EPSTI1: variants seen among roughly 807,000 people sequenced by gnomAD.
EPSTI1 encodes epithelial stromal interaction 1.
In EPSTI1, 66 loss-of-function variants were observed where a neutral mutation model predicts 49.9. The observed-to-expected ratio is 1.32, with a 90% CI of 1.08 to 1.62. EPSTI1 has a LOEUF of 1.62. EPSTI1 is among the 40% of genes most tolerant of loss of function. The probability of loss-of-function intolerance (pLI) is 0.00; values close to 1 mark genes in which losing one functional copy is unlikely to be tolerated. For missense variants in EPSTI1, 394 were observed against 365.5 expected (o/e 1.08, Z -0.64); for synonymous variants, 137 against 130.7 (o/e 1.05, Z -0.33).
intron 7 of EPSTI1, among the ~76,000 whole-genome samples, chr13:42,921,315 T>C (rs187209477): frequency 3.2e-4 from 48 of 152,302 alleles, no homozygotes; most frequent in African/African-American, 1.1e-3. Flanking sequence ...GGAACCAGTA[T>C]TCAAAGTTAG....
intron 6 of EPSTI1, among the ~76,000 whole-genome samples, chr13:42,928,189 G>A (rs1054580011): frequency 2.0e-5 from 3 of 152,088 alleles, no homozygotes; most frequent in Admixed American, 6.6e-5. Context: ...CAGAGTATGC[G>A]GATTACTGCC....
intron 1 of EPSTI1, among the ~76,000 whole-genome samples, chr13:42,978,436 G>A (rs916200222): frequency 7.2e-5 from 11 of 152,224 alleles, no homozygotes; most frequent in East Asian, 5.8e-4. Context: ...TTTCTGATTC[G>A]CCTTTCCAAA....
At chr13:42,912,854 C>T (rs1048731983) in intron 8 of EPSTI1, among the ~76,000 whole-genome samples, 9 of 150,544 alleles carry the variant, frequency 6.0e-5, no homozygotes, top group African/African-American at 2.0e-4. Flanking sequence ...ATAAGAAGTA[C>T]AAGAAAACAA....
intron 6 of EPSTI1, among the ~76,000 whole-genome samples, chr13:42,945,216 C>T (rs563661156): frequency 3.3e-4 from 51 of 152,312 alleles, no homozygotes; most frequent in African/African-American, 9.1e-4. Flanking sequence ...ACATCTTACA[C>T]GGCGGCAGGC....
chr13:42,943,444 ATCT>A (rs1206227211), intron 6 of EPSTI1, among the ~76,000 whole-genome samples: 1 of 152,210 alleles, frequency 6.6e-6, no homozygotes, highest in African/African-American at 2.4e-5. Flanking sequence ...GTATCAGTTA[ATCT>A]TCTTCTGAGT....
At chr13:42,898,632 A>C (rs541337717) in intron 9 of EPSTI1, among the ~76,000 whole-genome samples, 1 of 35,436 alleles carries the variant, frequency 2.8e-5, no homozygotes, top group Non-Finnish European at 7.2e-5. Flanking sequence ...TTAGGTATTC[A>C]GTAGTATGGA....
At chr13:42,971,826 G>A (rs2039774900) in intron 1 of EPSTI1, among the ~76,000 whole-genome samples, 10 of 152,192 alleles carry the variant, frequency 6.6e-5, no homozygotes, top group Admixed American at 6.5e-4. Context: ...AATGTGAGGT[G>A]TGCAACAGCC....
intron 3 of EPSTI1, among the ~76,000 whole-genome samples, chr13:42,964,546 T>C (rs1471313611): frequency 6.6e-6 from 1 of 152,196 alleles, no homozygotes; most frequent in Non-Finnish European, 1.5e-5. Context: ...AAGGTGCTTC[T>C]ATTGCTTTTC....
chr13:42,935,283 C>A (rs907221317), intron 6 of EPSTI1, among the ~76,000 whole-genome samples: 2 of 152,192 alleles, frequency 1.3e-5, no homozygotes, highest in African/African-American at 4.8e-5. Context: ...TTAATTCTTG[C>A]GCAGCTTAGA....
At chr13:42,929,810 T>TA (rs150182583) in intron 6 of EPSTI1, among the ~76,000 whole-genome samples, 6,059 of 152,240 alleles carry the variant, frequency 0.04, 404 homozygotes, top group African/African-American at 0.13. Flanking sequence ...GTTTCTTAAA[T>TA]AAAAAGGGGA....
chr13:42,970,622 C>T lies in EPSTI1; in HGVS notation c.237G>A (p.Glu79=). 1 of 1,609,682 alleles carries T rather than the reference C, an allele frequency of 6.2e-7. No homozygotes were observed. The highest frequency in any genetic ancestry group is 1.1e-5 in the South Asian group (1 of 89,908). Residue 79 remains glutamate, a synonymous_variant, in exon 2 of 11, where the codon GAG becomes GAA. Coordinates refer to ENST00000313624, the MANE Select transcript of EPSTI1 (RefSeq NM_033255.5). The part of the protein sequence containing the change: ...LIAPNINRRN[E]IQRIAEQELA... The stretch of plus-strand genomic sequence containing the variant: ...AATGACTATACATACTTCTTTGTAT[C>T]TCATTTCTCCGGTTTATATTTGGTG...
At chr13:42,973,221 TCTTC>T (rs2039806928) in intron 1 of EPSTI1, among the ~76,000 whole-genome samples, 2 of 152,226 alleles carry the variant, frequency 1.3e-5, no homozygotes, top group African/African-American at 4.8e-5. Flanking sequence ...CATACTAGAA[TCTTC>T]CATCTTAAGA....
chr13:42,961,043 C>T (rs139321006), intron 5 of EPSTI1, among the ~76,000 whole-genome samples: 274 of 152,172 alleles, frequency 1.8e-3, no homozygotes, highest in Non-Finnish European at 3.0e-3. Context: ...ATTATTCTGC[C>T]CACTACATGA....
chr13:42,908,471 G>A (rs1388060466), intron 8 of EPSTI1, among the ~76,000 whole-genome samples: 5 of 134,598 alleles, frequency 3.7e-5, no homozygotes, highest in Non-Finnish European at 6.2e-5. Flanking sequence ...GGGTGACAGA[G>A]AGACTCTGTT....
intron 10 of EPSTI1, among the ~76,000 whole-genome samples, chr13:42,891,698 G>A (rs2037039602): frequency 6.6e-6 from 1 of 151,942 alleles, no homozygotes; most frequent in Admixed American, 6.6e-5. Context: ...TCTTTCTATT[G>A]TGTTTGTGAT....
At chr13:42,901,051 T>C (rs2037338317) in intron 8 of EPSTI1, among the ~76,000 whole-genome samples, 1 of 152,176 alleles carries the variant, frequency 6.6e-6, no homozygotes, top group Non-Finnish European at 1.5e-5. Flanking sequence ...TACAGTATTA[T>C]ACCGAAGAAC....
At chr13:42,955,890 AAGT>A (rs2039254684) in intron 5 of EPSTI1, among the ~76,000 whole-genome samples, 3 of 102,492 alleles carry the variant, frequency 2.9e-5, no homozygotes, top group East Asian at 3.0e-4. Context: ...GGGGGGGGGG[AAGT>A]AGTAGTAGTA....
intron 1 of EPSTI1, among the ~76,000 whole-genome samples, chr13:42,988,796 A>G (rs1415048650): frequency 6.6e-6 from 1 of 151,758 alleles, no homozygotes; most frequent in African/African-American, 2.4e-5. Context: ...ATAATTTAAT[A>G]TATTGATAGC....
intron 1 of EPSTI1, among the ~76,000 whole-genome samples, chr13:42,986,404 A>AGAACC (rs56144289): frequency 0.55 from 82,891 of 151,784 alleles, 24,100 homozygotes; most frequent in Non-Finnish European, 0.66. Context: ...AGCTAGCTTA[A>AGAACC]GAGACTGGTA....
Sources: gnomAD v4.1 joint callset for allele counts (sites outside exome capture counted in the v4.1 genomes callset) on GRCh38, gnomAD v4.1.1 for gene constraint, MANE v1.5 for transcripts, NCBI Gene and HGNC (gene_info 2026-07-23, HGNC 2026-07-21) for gene names.